The following POLH variants were observed in gnomAD, a reference collection of about 807,000 sequenced individuals.
POLH encodes DNA polymerase eta, also known as DNA polymerase eta transcript.
A neutral mutation model predicts 73.6 loss-of-function variants in POLH; 53 were observed. That is an observed-to-expected ratio of 0.72 (90% CI 0.58 to 0.91). The LOEUF (loss-of-function observed/expected upper bound fraction) is 0.91, where lower values mean the gene tolerates loss of function less well. Ranked by LOEUF, POLH falls within the 40% of genes least tolerant of loss-of-function variation. The pLI is 0.00. For missense variants in POLH, 768 were observed against 865.4 expected (o/e 0.89, Z 1.41); for synonymous variants, 292 against 308.5 (o/e 0.95, Z 0.56).
chr6:43,578,521 T>C, intron 1 of POLH: 1 of 336,398 alleles, frequency 3.0e-6, no homozygotes, highest in Non-Finnish European at 5.7e-6. Context: ...CGAGACTTTG[T>C]CTCAAAAAAA....
chr6:43,601,172 T>G, intron 6 of POLH, 81 bp downstream of exon 6: 1 of 998,992 alleles, frequency 1.0e-6, no homozygotes, highest in Non-Finnish European at 1.6e-6. Flanking sequence ...GTGTTACTAA[T>G]TAAGGACTGG....
At chr6:43,596,734 AGAAAAGTTCTTCTGTAGGGAGTCAG>A (rs1766105536) in intron 4 of POLH, among the ~76,000 whole-genome samples, 1 of 152,126 alleles carries the variant, frequency 6.6e-6, no homozygotes, top group Non-Finnish European at 1.5e-5. Context: ...TAAAAATTCA[AGAAAAGTTCTTCTGTAGGGAGTCAG>A]GAAAAGTTCT....
At chr6:43,598,146 C>A (rs541030892) in intron 5 of POLH, among the ~76,000 whole-genome samples, 1 of 146,592 alleles carries the variant, frequency 6.8e-6, no homozygotes, top group Admixed American at 6.9e-5. Context: ...TTGAAGCTGC[C>A]GTGAGCCGAA....
intron 1 of POLH, among the ~76,000 whole-genome samples, chr6:43,580,634 C>G (rs1258473604): frequency 7.5e-6 from 1 of 133,044 alleles, no homozygotes; most frequent in African/African-American, 3.0e-5. Flanking sequence ...CGCCCCTCAC[C>G]TCCCGGACGG....
At chr6:43,591,122 C>T (rs1423529952) in intron 4 of POLH, 4 of 151,978 alleles carry the variant, frequency 2.6e-5, no homozygotes, top group Non-Finnish European at 5.9e-5. Context: ...GGCTGCAGAT[C>T]CTTTAGTTCT....
At chr6:43,580,025 T>G (rs1376403663) in intron 1 of POLH, among the ~76,000 whole-genome samples, 35 of 122,604 alleles carry the variant, frequency 2.9e-4, no homozygotes, top group Admixed American at 1.2e-3. Flanking sequence ...TGAACAAAGG[T>G]CTCTGGTTTT....
At chr6:43,608,392 G>A (rs150937882) in intron 9 of POLH, among the ~76,000 whole-genome samples, 1 of 152,304 alleles carries the variant, frequency 6.6e-6, no homozygotes, top group Non-Finnish European at 1.5e-5. Flanking sequence ...GGAATGGGTG[G>A]TAAATGTTTG....
At chr6:43,598,385 C>T (rs1469207770) in intron 5 of POLH, among the ~76,000 whole-genome samples, 4 of 151,132 alleles carry the variant, frequency 2.6e-5, no homozygotes, top group African/African-American at 9.7e-5. Context: ...CCAGCACTTT[C>T]GGAGGCTGAG....
At chr6:43,609,285 A>C (rs1041521435) in intron 9 of POLH, among the ~76,000 whole-genome samples, 3 of 152,164 alleles carry the variant, frequency 2.0e-5, no homozygotes, top group Admixed American at 6.5e-5. Flanking sequence ...TCTCTCCTGC[A>C]TCTCTAGGCA....
chr6:43,601,950 C>T (rs1344404765), intron 6 of POLH, among the ~76,000 whole-genome samples: 16 of 152,014 alleles, frequency 1.1e-4, no homozygotes, highest in African/African-American at 3.1e-4. Context: ...CCTAGCTACT[C>T]GGGAGGCTGA....
rs777732439 is a variant in POLH, at chr6:43,614,289, G to A, written c.1874G>A (p.Ser625Asn). The A allele has an allele frequency of 1.3e-6, 2 of 1,598,990 alleles. No homozygotes were observed. Among genetic ancestry groups the A allele is most frequent in the Non-Finnish European group, 1.7e-6 (2 of 1,171,008 alleles). The change falls in exon 11 of 11, where the codon AGT (serine) becomes AAT (asparagine). Residue 625 changes from serine (S) to asparagine (N), a missense_variant. Coordinates refer to ENST00000372236, the MANE Select transcript of POLH (RefSeq NM_006502.3). ...ACTCAGAAAGCAACCCCAAATCCAA[G>A]TCTTCTAGCTGCTGAGGACCAAGTG... ...EVTQKATPNP[S>N]LLAAEDQVPC...
In POLH at chr6:43,604,615, G is replaced by A. The variant is rs1231392250; in HGVS notation, c.885G>A (p.Gly295=). 1.9e-6 allele frequency: 3 copies of A among 1,613,978 alleles called. No homozygotes were observed. Among genetic ancestry groups the A allele is most frequent in the Non-Finnish European group, 2.5e-6 (3 of 1,179,876 alleles). Residue 295 remains glycine, a splice_region_variant and synonymous_variant, in exon 8 of 11, where the codon GGG becomes GGA. Coordinates refer to ENST00000372236, the MANE Select transcript of POLH (RefSeq NM_006502.3). ...QLQSHFGEKN[G]SWLYAMCRGI... ...TAACGTTTTTTGCTGGTCTTATTAG[G>A]TCTTGGCTATATGCCATGTGCCGAG...
At chr6:43,580,850 C>A (rs1295761962) in intron 1 of POLH, among the ~76,000 whole-genome samples, 1 of 144,176 alleles carries the variant, frequency 6.9e-6, no homozygotes, top group African/African-American at 2.6e-5. Flanking sequence ...CGGGCAGAGG[C>A]GCCCCTCACC....
chr6:43,583,234 A>T, intron 3 of POLH, 93 bp downstream of exon 3: 1 of 1,157,316 alleles, frequency 8.6e-7, no homozygotes. Context: ...GTTCCATGTA[A>T]ATAACACCGG....
chr6:43,578,524 C>CAAA, intron 1 of POLH: 10 of 249,034 alleles, frequency 4.0e-5, no homozygotes, highest in South Asian at 7.0e-5. Flanking sequence ...GACTTTGTCT[C>CAAA]AAAAAAAAAA....
chr6:43,577,867 G>A (rs926907279), intron 1 of POLH, among the ~76,000 whole-genome samples: 1 of 143,296 alleles, frequency 7.0e-6, no homozygotes, highest in African/African-American at 2.6e-5. Context: ...GGCGGATCAC[G>A]AGGTCAGGAG....
chr6:43,577,455 T>C (rs1763493305), intron 1 of POLH, among the ~76,000 whole-genome samples: 1 of 152,256 alleles, frequency 6.6e-6, no homozygotes, highest in Non-Finnish European at 1.5e-5. Flanking sequence ...GAGGGACTTC[T>C]GGCATGTTAT....
In POLH at chr6:43,596,887, G is replaced by C. The variant is rs9333541; in HGVS notation, c.491-809G>C. Among the ~76,000 whole-genome samples the C allele has an allele frequency of 2.0e-4, 30 of 152,252 alleles. No individual in the cohort carries two copies. The South Asian group carries it at 5.6e-3, about 28-fold the overall frequency. ...CCCAAGCAACATCTGACTTAAAACA[G>C]CTTATCAAGGGAATAAATCTAGTGC... is the stretch of plus-strand genomic sequence containing the variant. On this transcript the variant is annotated intron_variant, in intron 4 of 10. Coordinates refer to ENST00000372236, the MANE Select transcript of POLH (RefSeq NM_006502.3).
intron 1 of POLH, among the ~76,000 whole-genome samples, chr6:43,578,152 C>G (rs541576035): frequency 6.6e-6 from 1 of 151,818 alleles, no homozygotes; most frequent in Admixed American, 6.6e-5. Context: ...TTTGGGAGGC[C>G]GAGGTGGGTG....
Sources: gnomAD v4.1 joint callset for allele counts (sites outside exome capture counted in the v4.1 genomes callset) on GRCh38, gnomAD v4.1.1 for gene constraint, MANE v1.5 for transcripts, NCBI Gene and HGNC (gene_info 2026-07-23, HGNC 2026-07-21) for gene names.